CEP350: variants seen among roughly 807,000 people sequenced by gnomAD.
CEP350 encodes the protein centrosome-associated protein 350.
In CEP350, 126 loss-of-function variants were observed where a neutral mutation model predicts 331.8. The ratio of observed to expected loss-of-function variants is 0.38; its 90% CI spans 0.33 to 0.44. The LOEUF (loss-of-function observed/expected upper bound fraction) is 0.44. Among genes scored for constraint, CEP350 ranks in the 20% least tolerant of loss-of-function variants. The pLI is 1.00. For missense variants in CEP350, 3,406 were observed against 3,634.6 expected (o/e 0.94, Z 1.62); for synonymous variants, 1,200 against 1,259.5 (o/e 0.95, Z 1.00).
intron 28 of CEP350, among the ~76,000 whole-genome samples, chr1:180,075,929 C>T (rs1347888266): frequency 6.6e-6 from 1 of 151,734 alleles, no homozygotes; most frequent in Non-Finnish European, 1.5e-5. Flanking sequence ...TGCACTCCAG[C>T]CTGGCAACAG....
Position 180,090,811 on chromosome 1 carries a change from A to G in CEP350, c.6508+15A>G, listed in dbSNP as rs1290730673. 2.6e-6 allele frequency: 4 copies of G among 1,529,174 alleles called. No homozygotes were observed. The highest frequency in any genetic ancestry group is 2.6e-6 in the Non-Finnish European group (3 of 1,135,494). The allele number at this position is 1,529,174 out of a possible 1,614,324, so 94.7% of individuals were successfully genotyped here. ...TGAACATGTTGGTATGTAACTAGAA[A>G]AAATAATTAACTTGTAGCTACATAG... On this transcript the variant is annotated intron_variant, in intron 33 of 37. Coordinates refer to ENST00000367607, the MANE Select transcript of CEP350 (RefSeq NM_014810.5).
At chr1:180,047,585 C>T (rs1309558017) in intron 21 of CEP350, among the ~76,000 whole-genome samples, 9 of 151,334 alleles carry the variant, frequency 5.9e-5, no homozygotes, top group African/African-American at 2.2e-4. Flanking sequence ...AGCGAAGCCC[C>T]ATCTCTACTA....
At chr1:180,108,168 C>G (rs987789523) in intron 37 of CEP350, among the ~76,000 whole-genome samples, 8 of 152,026 alleles carry the variant, frequency 5.3e-5, no homozygotes, top group African/African-American at 1.9e-4. Context: ...AAAGCTTTTG[C>G]CAACACCGAA....
intron 6 of CEP350, among the ~76,000 whole-genome samples, chr1:179,999,339 T>C (rs550111280): frequency 4.6e-4 from 70 of 152,244 alleles, no homozygotes; most frequent in Non-Finnish European, 9.3e-4. Flanking sequence ...CATAATCCTT[T>C]TACTATTTTT....
Position 180,041,778 on chromosome 1 carries a change from A to G in CEP350, c.4338A>G (p.Thr1446=), listed in dbSNP as rs768464570. 1 of 1,612,748 alleles carries G rather than the reference A, an allele frequency of 6.2e-7. No homozygotes were observed. The highest frequency in any genetic ancestry group is 8.5e-7 in the Non-Finnish European group (1 of 1,179,320). ...AGTCAGAAACTGCTCGCCTCACCAC[A>G]GACGCAGCACGTCAAATCTGTGAGG... ...AQQSETARLT[T]DAARQICEMA... The change falls in exon 19 of 38, where the codon ACA becomes ACG. Residue 1446 remains threonine (T), a synonymous_variant. Transcript: ENST00000367607.
chr1:180,098,943 G>T lies in CEP350; in HGVS notation c.9147G>T (p.Met3049Ile). ...ACAAAACAGATTGGCAGAAAATGAT[G>T]AAATTTGGAAGAAAGAAAAGAGACC... Reference protein sequence around the residue: ...PNHKTDWQKMMKFGRKKRDRV... With the variant: ...PNHKTDWQKMIKFGRKKRDRV... Residue 3049 changes from methionine to isoleucine, a missense_variant, in exon 37 of 38, where the codon ATG (methionine) becomes ATT (isoleucine). Around this residue, in one of 5 missense-constraint regions of CEP350, gnomAD observed 1,415 missense variants for 1,512.3 expected, o/e 0.94. Transcript: ENST00000367607. 1 of 1,613,628 alleles carries T rather than the reference G, an allele frequency of 6.2e-7. No homozygotes were observed. The highest frequency in any genetic ancestry group is 8.5e-7 in the Non-Finnish European group (1 of 1,179,742).
At chr1:180,025,746 C>T (rs765197932) in intron 14 of CEP350, among the ~76,000 whole-genome samples, 1 of 151,834 alleles carries the variant, frequency 6.6e-6, no homozygotes, top group Non-Finnish European at 1.5e-5. Context: ...TGGGACCTGT[C>T]GGGGGGTTAG....
chr1:180,102,076 A>G (rs1001868320), intron 37 of CEP350, among the ~76,000 whole-genome samples: 2 of 151,492 alleles, frequency 1.3e-5, no homozygotes, highest in African/African-American at 2.4e-5. Flanking sequence ...TCAGAAAGGT[A>G]GGGGAACATT....
intron 34 of CEP350, 179 bp from the exon 35 acceptor site, chr1:180,095,344 A>C (rs1458132704): frequency 1.5e-5 from 10 of 657,168 alleles, no homozygotes; most frequent in Non-Finnish European, 2.4e-5. Flanking sequence ...AGTAGAATTG[A>C]GGGAACAGGA....
At chr1:180,085,128 C>T (rs1659790469) in intron 31 of CEP350, among the ~76,000 whole-genome samples, 1 of 151,132 alleles carries the variant, frequency 6.6e-6, no homozygotes, top group Non-Finnish European at 1.5e-5. Context: ...TTTCCCTTCC[C>T]CTTTCCCCTT....
chr1:180,003,138 T>C (rs1375468803), intron 6 of CEP350, 36 bp from the exon 7 acceptor site: 1 of 1,358,744 alleles, frequency 7.4e-7, no homozygotes, highest in Non-Finnish European at 1.0e-6. Flanking sequence ...TAAAGCAACT[T>C]TGATAAGAAT....
At chr1:179,955,716 T>G (rs1298118119) in intron 1 of CEP350, among the ~76,000 whole-genome samples, 1 of 152,242 alleles carries the variant, frequency 6.6e-6, no homozygotes, top group Non-Finnish European at 1.5e-5. Flanking sequence ...CTAAGTAATA[T>G]TTAGCTAATG....
rs1658269964 is a variant in CEP350 at position 180,062,223 on chromosome 1, G to T, written c.5266G>T (p.Glu1756Ter). 1 of 1,607,862 alleles carries T rather than the reference G, an allele frequency of 6.2e-7. No homozygotes were observed. The highest frequency in any genetic ancestry group is 1.7e-5 in the Admixed American group (1 of 59,150). The change falls in exon 26 of 38, where the codon GAA becomes TAA. Residue 1756 changes from glutamate (E) to a stop codon, truncating the protein, a stop_gained. Coordinates refer to ENST00000367607, the MANE Select transcript of CEP350 (RefSeq NM_014810.5). LOFTEE classifies it high-confidence loss of function. Reference protein sequence around the residue: ...LLLRLQQEKAEIKRLQEANKA... With the variant: ...LLLRLQQEKA ...CTCTTAACTCTTTAAACCTTAGGCA[G>T]AAATAAAACGTCTTCAAGAAGCCAA...
At chr1:180,010,638 G>A (rs1359151593) in intron 8 of CEP350, among the ~76,000 whole-genome samples, 1 of 149,412 alleles carries the variant, frequency 6.7e-6, no homozygotes, top group Non-Finnish European at 1.5e-5. Context: ...ATCTCACTCA[G>A]TGTCCCAGGC....
At chr1:180,066,358 G>A (rs946789763) in intron 27 of CEP350, among the ~76,000 whole-genome samples, 6 of 152,030 alleles carry the variant, frequency 3.9e-5, no homozygotes, top group South Asian at 2.1e-4. Context: ...TTTTAAATTC[G>A]CAATTTGAAC....
At chr1:180,109,055 T>A (rs1174911739) in intron 37 of CEP350, among the ~76,000 whole-genome samples, 1 of 152,146 alleles carries the variant, frequency 6.6e-6, no homozygotes, top group Non-Finnish European at 1.5e-5. Flanking sequence ...ATGTAGTCTC[T>A]TTTTTGCTAG....
intron 1 of CEP350, among the ~76,000 whole-genome samples, chr1:179,955,715 A>C (rs1650125167): frequency 6.6e-6 from 1 of 152,250 alleles, no homozygotes; most frequent in Admixed American, 6.5e-5. Context: ...GCTAAGTAAT[A>C]TTTAGCTAAT....
At chr1:180,109,381 G>A (rs1405955904) in intron 37 of CEP350, among the ~76,000 whole-genome samples, 1 of 152,110 alleles carries the variant, frequency 6.6e-6, no homozygotes, top group East Asian at 1.9e-4. Context: ...GCCTCCCAAA[G>A]TGCTAGGATT....
At position 180,065,166 on chromosome 1, in the gene CEP350, C is replaced by T; in HGVS notation, c.5461C>T (p.Pro1821Ser). ...TKDNKATSPG[P>S]TDLETRSPSP... ...GGATAATAAGGCAACCAGTCCTGGT[C>T]CAACTGACTTGGAGACCCGCAGTCC... Residue 1821 changes from proline (P) to serine (S), a missense_variant, in exon 27 of 38, where the codon CCA becomes TCA. By Grantham distance (74) the Pro-to-Ser change is moderately conservative. Around this residue, in one of 5 missense-constraint regions of CEP350, gnomAD observed 1,415 missense variants for 1,512.3 expected, o/e 0.94. Coordinates refer to ENST00000367607, the MANE Select transcript of CEP350 (RefSeq NM_014810.5). 1.2e-6 allele frequency: 2 copies of T among 1,613,522 alleles called. No homozygotes were observed. The highest frequency in any genetic ancestry group is 1.7e-6 in the Non-Finnish European group (2 of 1,179,698).
Sources: allele counts gnomAD v4.1 joint callset (sites outside exome capture counted in the v4.1 genomes callset), GRCh38; gene constraint gnomAD v4.1.1; regional missense constraint gnomAD v4.1.1; transcripts MANE v1.5; gene names NCBI Gene and HGNC (gene_info 2026-07-23, HGNC 2026-07-21).